Variants in HECTD4 observed in about 807,000 individuals in gnomAD.
HECTD4 encodes HECT domain E3 ubiquitin protein ligase 4.
In HECTD4, 114 loss-of-function variants were observed where a neutral mutation model predicts 471.5. The observed-to-expected ratio is 0.24, with a 90% CI of 0.21 to 0.28. The LOEUF is 0.28. Among genes scored for constraint, HECTD4 ranks in the 10% least tolerant of loss-of-function variants. The pLI is 1.00. For synonymous variants in HECTD4, 2,012 were observed against 2,256.0 expected (o/e 0.89, Z 3.07); for missense variants, 3,866 against 5,651.5 (o/e 0.68, Z 10.13).
chr12:112,162,695 GA>G lies in HECTD4; in HGVS notation c.13121-173del, dbSNP rs2030737035. On this transcript the variant is annotated intron_variant, in intron 75 of 75. Transcript: ENST00000682272. This position sits in a 1 kb window ranked among gnomAD's most constrained non-coding sequence, Gnocchi z 5.2. ...GGAACCTGCGAGATGTTCTTGGAGG[GA>G]AAAGGGGAGAGAGCTGCTGGACAGC... 1 of 707,094 alleles carries G rather than the reference GA, an allele frequency of 1.4e-6. No individual in the cohort carries two copies. The highest frequency in any genetic ancestry group is 2.3e-6 in the Non-Finnish European group (1 of 427,502). The allele number at this position is 707,094 out of a possible 1,614,324, so 43.8% of individuals were successfully genotyped here.
chr12:112,201,298 G>C (rs2032420321), intron 54 of HECTD4: 1 of 280,684 alleles, frequency 3.6e-6, no homozygotes, highest in Middle Eastern at 1.3e-3. Context: ...CACCATGTTG[G>C]CCAGGCTGGT....
chr12:112,289,047 T>C (rs2034818343), intron 7 of HECTD4, among the ~76,000 whole-genome samples: 1 of 152,246 alleles, frequency 6.6e-6, no homozygotes, highest in South Asian at 2.1e-4. Flanking sequence ...CAGGATAATC[T>C]CGACATTCCA....
intron 18 of HECTD4, among the ~76,000 whole-genome samples, chr12:112,260,527 AT>A (rs939549384): frequency 4.3e-4 from 66 of 152,106 alleles, no homozygotes; most frequent in African/African-American, 1.5e-3. Flanking sequence ...CAACATGCAA[AT>A]TGTCAAAAAA....
In HECTD4 at chr12:112,179,045, T is replaced by C; in HGVS notation, c.11249A>G (p.Asp3750Gly). ...RKYGVPKPKFDKSKYSKAGKE... is the reference protein window; with the variant it reads ...RKYGVPKPKFGKSKYSKAGKE... ...CCCGGCCTTGCTGTACTTGCTCTTGTCAAACTTGGGCTTTGGCACGCCATA... is the reference window on the plus strand; with the variant it reads ...CCCGGCCTTGCTGTACTTGCTCTTGCCAAACTTGGGCTTTGGCACGCCATA... The change falls in exon 64 of 76, where the codon GAC (aspartate) becomes GGC (glycine). Residue 3750 changes from aspartate to glycine, a missense_variant. Asp to Gly is a moderately conservative substitution (Grantham distance 94). Transcript: ENST00000682272. The surrounding 1 kb of genome is among the most constrained non-coding windows in gnomAD (Gnocchi z 4.3). 1 of 1,613,972 alleles carries C rather than the reference T, an allele frequency of 6.2e-7. No homozygotes were observed. Among genetic ancestry groups the C allele is most frequent in the Non-Finnish European group, 8.5e-7 (1 of 1,179,888 alleles).
At chr12:112,226,524 C>T (rs2033242752) in intron 44 of HECTD4, 119 bp downstream of exon 44, 2 of 557,700 alleles carry the variant, frequency 3.6e-6, no homozygotes, top group East Asian at 2.9e-5. Context: ...AGGTGTTGTC[C>T]TTACAGCTCG....
At chr12:112,176,796 T>C in intron 64 of HECTD4, 94 bp from the exon 65 acceptor site, 1 of 990,614 alleles carries the variant, frequency 1.0e-6, no homozygotes, top group Non-Finnish European at 1.6e-6. Flanking sequence ...TCCTGCTCCC[T>C]CCTCCAACTT....
intron 13 of HECTD4, 42 bp from the exon 14 acceptor site, chr12:112,267,024 T>A: frequency 9.3e-7 from 1 of 1,077,312 alleles, no homozygotes; most frequent in Non-Finnish European, 1.4e-6. Flanking sequence ...GCAAATGTTC[T>A]AGAAAATCAA....
intron 7 of HECTD4, chr12:112,302,382 T>G: frequency 1.3e-6 from 1 of 754,608 alleles, no homozygotes; most frequent in Non-Finnish European, 2.4e-6. Context: ...TGGGCCAGCT[T>G]AAGCAGTTGA....
chr12:112,357,711 T>C (rs1401779682), intron 1 of HECTD4, among the ~76,000 whole-genome samples: 3 of 152,192 alleles, frequency 2.0e-5, no homozygotes, highest in African/African-American at 7.2e-5. Context: ...AAAGATTACA[T>C]AGCATTCAAA....
intron 26 of HECTD4, 34 bp from the exon 27 acceptor site, chr12:112,248,205 A>G (rs1158103997): frequency 6.4e-7 from 1 of 1,571,056 alleles, no homozygotes; most frequent in East Asian, 2.3e-5. Context: ...GCAAAATAAA[A>G]ACAAGTATGA....
chr12:112,273,960 C>T (rs1350743236), intron 10 of HECTD4, among the ~76,000 whole-genome samples, 165 bp from the exon 11 acceptor site: 2 of 152,222 alleles, frequency 1.3e-5, no homozygotes, highest in East Asian at 1.9e-4. Context: ...GGTTGGGACT[C>T]GGCAAAGGCC....
At chr12:112,274,205 A>G (rs972361668) in intron 10 of HECTD4, among the ~76,000 whole-genome samples, 1 of 152,246 alleles carries the variant, frequency 6.6e-6, no homozygotes, top group Non-Finnish European at 1.5e-5. Flanking sequence ...GAGAAAGTCC[A>G]GTATATTACT....
chr12:112,179,173 C>A lies in HECTD4; in HGVS notation c.11211+1G>T. The A allele has an allele frequency of 6.2e-7, 1 of 1,613,616 alleles. No homozygotes were observed. Among genetic ancestry groups the A allele is most frequent in the Non-Finnish European group, 8.5e-7 (1 of 1,179,766 alleles). Reference sequence around the variant, plus strand: ...TGGGTATGGTGGGGACGGGCAGCTACCTGGGTGAGCTGATCCTCCAGCACC... The same window carrying A: ...TGGGTATGGTGGGGACGGGCAGCTAACTGGGTGAGCTGATCCTCCAGCACC... On this transcript the variant is annotated splice_donor_variant, in intron 63 of 75. Transcript: ENST00000682272. LOFTEE classifies it high-confidence loss of function. This position sits in a 1 kb window ranked among gnomAD's most constrained non-coding sequence, Gnocchi z 4.3.
rs537021256 is a variant in HECTD4 at position 112,297,274 on chromosome 12, G to T, written c.1335+8790C>A. 2.0e-5 allele frequency among the ~76,000 whole-genome samples: 3 copies of T among 151,244 alleles called. No homozygotes were observed. In the South Asian group the frequency reaches 6.3e-4, roughly 32 times the overall value. ...CAAGTGGTAAGTGCAGAAGGTGTAG[G>T]TGCAGTGAATGTAGGTGCAGAGGGT... is the stretch of plus-strand genomic sequence containing the variant. On this transcript the variant is annotated intron_variant, in intron 7 of 75. Transcript: ENST00000682272.
At position 112,194,177 on chromosome 12, in the gene HECTD4, G is replaced by A. The variant is rs976498931; in HGVS notation, c.8750-503C>T. ...CCAGGCGCTCATATGGACCAGTAGCGATGTAGTGCACACATACCCTGGCTG... is the reference window on the plus strand; with the variant it reads ...CCAGGCGCTCATATGGACCAGTAGCAATGTAGTGCACACATACCCTGGCTG... On this transcript the variant is annotated intron_variant, in intron 56 of 75. Transcript: ENST00000682272. The surrounding 1 kb of genome is among the most constrained non-coding windows in gnomAD (Gnocchi z 4.6). Among the ~76,000 whole-genome samples the A allele has an allele frequency of 1.3e-5, 2 of 152,200 alleles. No homozygotes were observed. The highest frequency in any genetic ancestry group is 6.5e-5 in the Admixed American group (1 of 15,274).
In HECTD4 at chr12:112,170,573, C is replaced by T. The variant is rs187570435; in HGVS notation, c.11933-121G>A. The T allele has an allele frequency of 1.2e-3, 1,604 of 1,305,454 alleles. 15 individuals are homozygous for T. The African/African-American group carries it at 0.019, about 16-fold the overall frequency. 80.9% of individuals were successfully genotyped at this position (1,305,454 alleles called of 1,614,324 possible). ...TCAGGCCCCCTGGTGGCAGTAGAGC[C>T]GGGCCCTGACTGTGGAGGGTGGTGT... On this transcript the variant is annotated intron_variant, in intron 68 of 75. Transcript: ENST00000682272.
At position 112,210,001 on chromosome 12, in the gene HECTD4, A is replaced by G; in HGVS notation, c.7867+14T>C. ...GGAAGCCATGGAGGCAGTAAGTTCC[A>G]GGAGGTGACTTACGTTGCTGAGCGG... On this transcript the variant is annotated intron_variant, in intron 50 of 75. Transcript: ENST00000682272. 1 of 1,596,628 alleles carries G rather than the reference A, an allele frequency of 6.3e-7. No individual in the cohort carries two copies. Among genetic ancestry groups the G allele is most frequent in the Non-Finnish European group, 8.6e-7 (1 of 1,167,096 alleles).
chr12:112,280,667 G>A (rs2034618085), intron 8 of HECTD4, among the ~76,000 whole-genome samples: 1 of 150,638 alleles, frequency 6.6e-6, no homozygotes, highest in African/African-American at 2.4e-5. Context: ...GAAACCTAAA[G>A]ACAGCAATAA....
chr12:112,313,297 G>T (rs1270059126), intron 3 of HECTD4, 150 bp from the exon 4 acceptor site: 12 of 489,666 alleles, frequency 2.5e-5, no homozygotes, highest in African/African-American at 2.0e-4. Context: ...GACATTTATA[G>T]TATTTTTATT....
Sources: gnomAD v4.1 joint callset for allele counts (sites outside exome capture counted in the v4.1 genomes callset) on GRCh38, gnomAD v4.1.1 for gene constraint, Gnocchi (gnomAD v3.1) non-coding constraint, MANE v1.5 for transcripts, NCBI Gene and HGNC (gene_info 2026-07-23, HGNC 2026-07-21) for gene names.